The following PDXDC1 variants were observed in gnomAD, a reference collection of about 807,000 sequenced individuals.
PDXDC1 encodes pyridoxal dependent decarboxylase domain containing 1.
Under a neutral mutation model 100.1 loss-of-function variants are expected in PDXDC1, and 42 were observed. The observed-to-expected ratio is 0.42, with a 90% CI of 0.33 to 0.54. The LOEUF is 0.54. Among genes scored for constraint, PDXDC1 ranks in the 20% least tolerant of loss-of-function variants. PDXDC1 has a pLI of 0.10. For missense variants in PDXDC1, 636 were observed against 979.2 expected, an observed-to-expected ratio of 0.65 and a Z score of 4.68; for synonymous variants, 260 against 371.7, an observed-to-expected ratio of 0.70 and a Z score of 3.46.
chr16:15,020,238 A>G (rs1313739771), intron 12 of PDXDC1, among the ~76,000 whole-genome samples: 2 of 152,266 alleles, frequency 1.3e-5, no homozygotes, highest in African/African-American at 4.8e-5. Context: ...AATATAAATT[A>G]TATGACAAGG....
chr16:15,032,802 G>C (rs1038332752), intron 17 of PDXDC1, 59 bp from the exon 18 acceptor site: 35 of 968,924 alleles, frequency 3.6e-5, no homozygotes, highest in Non-Finnish European at 5.2e-5. Flanking sequence ...TTCTAATCCT[G>C]TATCAGAAGA....
intron 13 of PDXDC1, among the ~76,000 whole-genome samples, chr16:15,023,530 A>T (rs888342601): frequency 6.6e-5 from 10 of 152,286 alleles, no homozygotes; most frequent in African/African-American, 2.4e-4. Flanking sequence ...ATGGTGGCAC[A>T]CGCCTGTAGT....
intron 1 of PDXDC1, chr16:14,989,137 A>G (rs1175755897): frequency 5.9e-5 from 96 of 1,614,086 alleles, no homozygotes; most frequent in Non-Finnish European, 7.5e-5. Context: ...CCTGGGCTGA[A>G]GAGCTGAGCC....
intron 16 of PDXDC1, among the ~76,000 whole-genome samples, chr16:15,046,501 C>A (rs963261776): frequency 6.6e-6 from 1 of 152,100 alleles, no homozygotes; most frequent in Non-Finnish European, 1.5e-5. Flanking sequence ...CAAATGGAGG[C>A]AGCGGCTACT....
intron 16 of PDXDC1, among the ~76,000 whole-genome samples, chr16:15,098,694 C>A (rs968944926): frequency 6.6e-6 from 1 of 151,706 alleles, no homozygotes; most frequent in East Asian, 2.0e-4. Context: ...GCCTGACCAA[C>A]ATGGAAAAAC....
At chr16:14,977,933 A>C (rs1407240754) in intron 1 of PDXDC1, among the ~76,000 whole-genome samples, 1 of 152,274 alleles carries the variant, frequency 6.6e-6, no homozygotes, top group African/African-American at 2.4e-5. Context: ...AATATCTCTC[A>C]CTTTAAAATG....
chr16:15,099,375 GCAA>G (rs2151844133), intron 16 of PDXDC1, among the ~76,000 whole-genome samples: 1 of 126,214 alleles, frequency 7.9e-6, no homozygotes, highest in Admixed American at 1.1e-4. Context: ...AGCCAAGATC[GCAA>G]CACTGCACTC....
At position 14,990,858 on chromosome 16, in the gene PDXDC1, A is replaced by G. The variant is rs560040736; in HGVS notation, c.22-6895A>G. Among the ~76,000 whole-genome samples, 27 of 152,396 alleles carry G rather than the reference A, an allele frequency of 1.8e-4. No homozygotes were observed. In the South Asian group the frequency reaches 5.4e-3, roughly 30 times the overall value. ...TGGGTTCAAGCGATTCTCCTGCCTC[A>G]GCCTTCCGAGTACCTAGGACTACAG... On this transcript the variant is annotated intron_variant, in intron 1 of 22. Transcript: ENST00000396410.
At chr16:15,033,168 A>G in intron 18 of PDXDC1, 110 bp from the exon 19 acceptor site, 2 of 1,260,404 alleles carry the variant, frequency 1.6e-6, no homozygotes, top group Non-Finnish European at 2.3e-6. Context: ...TAGAATCTCC[A>G]TGGAGGAGAC....
the PDXDC1 span, among the ~76,000 whole-genome samples, chr16:15,149,175 C>T: frequency 1.3e-5 from 2 of 152,186 alleles, no homozygotes; most frequent in Admixed American, 1.3e-4. Flanking sequence ...CCCGAGTCAC[C>T]TTGCCCCTTG....
chr16:15,125,530 G>A (rs1598197212), intron 16 of PDXDC1: 3 of 1,571,530 alleles, frequency 1.9e-6, no homozygotes, highest in African/African-American at 1.4e-5. Context: ...CAGGGCTCGA[G>A]GTTTCTCTAG....
At chr16:15,085,258 A>AT (rs2045871834) in intron 16 of PDXDC1, among the ~76,000 whole-genome samples, 1 of 152,180 alleles carries the variant, frequency 6.6e-6, no homozygotes, top group Non-Finnish European at 1.5e-5. Flanking sequence ...TAACAAAAAG[A>AT]TTACATCAAA....
intron 6 of PDXDC1, among the ~76,000 whole-genome samples, chr16:15,008,525 A>G (rs2040978907): frequency 6.6e-6 from 1 of 152,266 alleles, no homozygotes; most frequent in Non-Finnish European, 1.5e-5. Flanking sequence ...AGAATATACC[A>G]AAGATAATTA....
chr16:15,019,444 T>C (rs1388988404), intron 12 of PDXDC1, among the ~76,000 whole-genome samples: 2 of 152,306 alleles, frequency 1.3e-5, no homozygotes, highest in African/African-American at 4.8e-5. Context: ...GTTCTAATTG[T>C]GAAAAATATA....
chr16:15,043,347 T>C (rs866452154), intron 16 of PDXDC1, among the ~76,000 whole-genome samples: 15 of 152,182 alleles, frequency 9.9e-5, no homozygotes, highest in Non-Finnish European at 2.1e-4. Context: ...GATATGAACC[T>C]TTTTTAAGAG....
At chr16:15,016,728 C>G (rs1426589921) in intron 9 of PDXDC1, among the ~76,000 whole-genome samples, 1 of 152,300 alleles carries the variant, frequency 6.6e-6, no homozygotes, top group African/African-American at 2.4e-5. Context: ...AGATGGCGCC[C>G]TGGAAGGCTA....
Position 15,036,261 on chromosome 16 carries a change from G to A in PDXDC1, c.2353G>A (p.Glu785Lys). 1 of 1,613,866 alleles carries A rather than the reference G, an allele frequency of 6.2e-7. No individual in the cohort carries two copies. The highest frequency in any genetic ancestry group is 8.5e-7 in the Non-Finnish European group (1 of 1,179,804). The change falls in exon 23 of 23, where the codon GAG (glutamate) becomes AAG (lysine). Residue 785 changes from glutamate to lysine, a missense_variant. Around this residue, in one of 4 missense-constraint regions of PDXDC1, gnomAD observed 452 missense variants for 402.9 expected, o/e 1.12. Coordinates refer to ENST00000396410, the MANE Select transcript of PDXDC1 (RefSeq NM_015027.4). ...TGACCACTCACAGGTAGAAGGACCG[G>A]AGAGCTTAAGATGAGACTCATTGTG... ...EDDHSQVEGPESLR is the reference protein window; with the variant it reads ...EDDHSQVEGPKSLR
intron 3 of PDXDC1, among the ~76,000 whole-genome samples, chr16:14,999,952 G>T (rs989264683): frequency 2.0e-5 from 3 of 152,252 alleles, no homozygotes; most frequent in Admixed American, 1.3e-4. Flanking sequence ...GAACCAGGTT[G>T]CAAAAGAAAA....
chr16:15,027,927 A>G (rs2151605332), intron 14 of PDXDC1, among the ~76,000 whole-genome samples: 1 of 152,374 alleles, frequency 6.6e-6, no homozygotes, highest in African/African-American at 2.4e-5. Flanking sequence ...AGTCCTAGCC[A>G]GGGACCCGCC....
Sources: gnomAD v4.1 joint callset for allele counts (sites outside exome capture counted in the v4.1 genomes callset) on GRCh38, gnomAD v4.1.1 for gene constraint, gnomAD v4.1.1 regional missense constraint, MANE v1.5 for transcripts, NCBI Gene and HGNC (gene_info 2026-07-23, HGNC 2026-07-21) for gene names.